Variants in TTLL9 observed in about 807,000 individuals in gnomAD.
The protein encoded by TTLL9 is probable tubulin polyglutamylase TTLL9.
In TTLL9, 47 loss-of-function variants were observed where a neutral mutation model predicts 65.6. The ratio of observed to expected loss-of-function variants is 0.72; its 90% CI spans 0.57 to 0.91. The LOEUF is 0.91. Ranked by LOEUF, TTLL9 falls within the 40% of genes least tolerant of loss-of-function variation. The probability of loss-of-function intolerance (pLI) is 0.00; values close to 1 mark genes in which losing one functional copy is unlikely to be tolerated. For missense variants in TTLL9, 537 were observed against 568.8 expected (o/e 0.94, Z 0.57); for synonymous variants, 179 against 204.8 (o/e 0.87, Z 1.07).
intron 3 of TTLL9, among the ~76,000 whole-genome samples, chr20:31,890,079 GCTTT>G (rs2063274645): frequency 1.0e-5 from 1 of 96,768 alleles, no homozygotes; most frequent in African/African-American, 4.1e-5. Context: ...TTGCTTTCTT[GCTTT>G]CTTGCTTTCT....
At chr20:31,888,889 G>A (rs1462198296) in intron 3 of TTLL9, among the ~76,000 whole-genome samples, 1 of 152,020 alleles carries the variant, frequency 6.6e-6, no homozygotes, top group East Asian at 1.9e-4. Flanking sequence ...AGGGGATGTT[G>A]CCAAACCATT....
intron 11 of TTLL9, among the ~76,000 whole-genome samples, chr20:31,934,129 A>G (rs6089122): frequency 0.14 from 21,288 of 152,308 alleles, 1,872 homozygotes; most frequent in Non-Finnish European, 0.19. Flanking sequence ...GATATCTTCT[A>G]TTGGTCAACG....
chr20:31,889,503 ACCTCTGCCT>A (rs373300934), intron 3 of TTLL9, among the ~76,000 whole-genome samples: 2,756 of 149,930 alleles, frequency 0.018, 40 homozygotes, highest in Middle Eastern at 0.041. Flanking sequence ...GCTCACTACA[ACCTCTGCCT>A]CCCGGGTTCA....
chr20:31,926,154 G>C, intron 10 of TTLL9, 63 bp downstream of exon 10: 1 of 1,139,022 alleles, frequency 8.8e-7, no homozygotes, highest in Non-Finnish European at 1.3e-6. Flanking sequence ...TGATTCCATG[G>C]GAGAGGCCAA....
At chr20:31,940,206 AT>A (rs1341389355) in intron 14 of TTLL9, 11 of 152,236 alleles carry the variant, frequency 7.2e-5, no homozygotes, top group Non-Finnish European at 1.5e-4. Flanking sequence ...TCAGATTTGA[AT>A]TTTTAGAAAA....
rs1000963088 is a variant in TTLL9 at position 31,943,131 on chromosome 20, T to C, written c.*110T>C. On this transcript the variant is annotated 3_prime_UTR_variant, in exon 15 of 15. Transcript: ENST00000535842. ...AGCATTCGCCTCCCCACCTCCAGCC[T>C]GGCACCAGCTTTGCTGGCTTAGCAG... 4 of 1,042,192 alleles carry C rather than the reference T, an allele frequency of 3.8e-6. No homozygotes were observed. In the African/African-American group the frequency reaches 6.2e-5, roughly 16 times the overall value. The allele number at this position is 1,042,192 out of a possible 1,614,324, so 64.6% of individuals were successfully genotyped here.
At chr20:31,900,685 C>T (rs1055363688) in intron 4 of TTLL9, among the ~76,000 whole-genome samples, 2 of 152,082 alleles carry the variant, frequency 1.3e-5, no homozygotes, top group Non-Finnish European at 2.9e-5. Context: ...TGCTAATATC[C>T]GCACAGGGTT....
At chr20:31,892,015 C>A (rs537316631) in intron 3 of TTLL9, among the ~76,000 whole-genome samples, 3 of 152,092 alleles carry the variant, frequency 2.0e-5, no homozygotes, top group African/African-American at 7.2e-5. Context: ...GTTGGCCAGG[C>A]TGGTTTTGAA....
rs189341013 is a variant in TTLL9 at position 31,911,599 on chromosome 20, C to T, written c.504+1677C>T. Among the ~76,000 whole-genome samples the T allele has an allele frequency of 1.2e-4, 18 of 152,286 alleles. 1 individual carries two copies. The highest frequency in any genetic ancestry group is 4.1e-4 in the African/African-American group (17 of 41,562). On this transcript the variant is annotated intron_variant, in intron 6 of 14. Coordinates refer to ENST00000535842, the MANE Select transcript of TTLL9 (RefSeq NM_001008409.5). ...CCAGGGAAGGCGCAGTGAGGAAGGC[C>T]GTGGCTGGAGCAGTAGGGATTAGGC...
chr20:31,896,249 A>G (rs1600548709), intron 3 of TTLL9, among the ~76,000 whole-genome samples: 1 of 152,344 alleles, frequency 6.6e-6, no homozygotes, highest in Admixed American at 6.5e-5. Context: ...AAGAGCTGGG[A>G]TTATAGGCGT....
At chr20:31,916,344 A>G (rs1600586641) in intron 6 of TTLL9, among the ~76,000 whole-genome samples, 1 of 152,226 alleles carries the variant, frequency 6.6e-6, no homozygotes, top group Non-Finnish European at 1.5e-5. Flanking sequence ...TCTGGAGAAC[A>G]TATGGGACAG....
chr20:31,876,485 T>G (rs1468691146), intron 2 of TTLL9, among the ~76,000 whole-genome samples: 1 of 152,216 alleles, frequency 6.6e-6, no homozygotes, highest in Non-Finnish European at 1.5e-5. Flanking sequence ...ATTTTATTCA[T>G]CTATCACCCT....
intron 4 of TTLL9, among the ~76,000 whole-genome samples, chr20:31,906,316 TCA>T (rs1354062745): frequency 6.6e-6 from 1 of 152,206 alleles, no homozygotes; most frequent in Non-Finnish European, 1.5e-5. Flanking sequence ...GGCATCTGAC[TCA>T]CACGTGTGGC....
chr20:31,882,767 C>CT (rs1350911428), intron 2 of TTLL9, among the ~76,000 whole-genome samples: 1 of 152,102 alleles, frequency 6.6e-6, no homozygotes, highest in Non-Finnish European at 1.5e-5. Context: ...GATGAGATTT[C>CT]TTGAAAAGCT....
In TTLL9 at chr20:31,909,922, T is replaced by C. The variant is rs1320765068; in HGVS notation, c.504T>C (p.Pro168=). 1 of 1,584,178 alleles carries C rather than the reference T, an allele frequency of 6.3e-7. No homozygotes were observed. Among genetic ancestry groups the C allele is most frequent in the Middle Eastern group, 1.7e-4 (1 of 5,880 alleles). The change falls in exon 6 of 15, where the codon CCT becomes CCC. Residue 168 remains proline (P), a splice_region_variant and synonymous_variant. Coordinates refer to ENST00000535842, the MANE Select transcript of TTLL9 (RefSeq NM_001008409.5). ...CAGGAATCACCTGGATCATGAAGCC[T>C]GTGAGTGCCCAGTGCCAGGGGCTGG... ...KNPGITWIMK[P]VARSQGKGIF...
intron 3 of TTLL9, among the ~76,000 whole-genome samples, chr20:31,896,883 C>T (rs2063395781): frequency 6.6e-6 from 1 of 152,096 alleles, no homozygotes; most frequent in Non-Finnish European, 1.5e-5. Context: ...ATAAACTCCG[C>T]TTGGTTATGG....
At position 31,935,665 on chromosome 20, in the gene TTLL9, T is replaced by G. The variant is rs1600626156; in HGVS notation, c.1004+777T>G. Among the ~76,000 whole-genome samples, 3 of 152,368 alleles carry G rather than the reference T, an allele frequency of 2.0e-5. No individual in the cohort carries two copies. The South Asian group carries it at 6.2e-4, about 32-fold the overall frequency. ...TTTGTCCCCTGCAGCAGGATGTGAC[T>G]GCTGGCATTAAGGTGGACGTGGTGG... On this transcript the variant is annotated intron_variant, in intron 12 of 14. Coordinates refer to ENST00000535842, the MANE Select transcript of TTLL9 (RefSeq NM_001008409.5).
At chr20:31,898,761 C>T (rs778039590) in intron 4 of TTLL9, among the ~76,000 whole-genome samples, 196 bp downstream of exon 4, 38 of 152,234 alleles carry the variant, frequency 2.5e-4, no homozygotes, top group Admixed American at 1.6e-3. Context: ...CCAACTAAAC[C>T]GTAAGATAAG....
chr20:31,908,576 C>T lies in TTLL9; in HGVS notation c.207-15C>T. ...CAGACCATGACCTTTATCCCCGCCC[C>T]CACCCCACCCCCAGCGAAGGGGAGT... is the stretch of plus-strand genomic sequence containing the variant. On this transcript the variant is annotated splice_polypyrimidine_tract_variant and intron_variant, in intron 4 of 14. Transcript: ENST00000535842. 6.3e-7 allele frequency: 1 copy of T among 1,595,704 alleles called. No homozygotes were observed. Among genetic ancestry groups the T allele is most frequent in the South Asian group, 1.1e-5 (1 of 90,700 alleles).
Sources: allele counts gnomAD v4.1 joint callset (sites outside exome capture counted in the v4.1 genomes callset), GRCh38; gene constraint gnomAD v4.1.1; transcripts MANE v1.5; gene names NCBI Gene and HGNC (gene_info 2026-07-23, HGNC 2026-07-21).